Variants in INSL6 observed in about 807,000 individuals in gnomAD.
The protein encoded by INSL6 is insulin like 6.
In INSL6, 16 loss-of-function variants were observed where a neutral mutation model predicts 9.4. The observed-to-expected ratio is 1.70, with a 90% CI of 1.15 to 2.59. INSL6 has a LOEUF of 2.59. INSL6 is among the 30% of genes most tolerant of loss of function. The pLI, the probability that INSL6 is intolerant of heterozygous loss-of-function variation, is 0.00. For synonymous variants in INSL6, 154 were observed against 96.9 expected, an observed-to-expected ratio of 1.59 and a Z score of -3.46; for missense variants, 391 against 257.3, an observed-to-expected ratio of 1.52 and a Z score of -3.56.
chr9:5,101,593 T>C, the INSL6 span, among the ~76,000 whole-genome samples: 1 of 152,322 alleles, frequency 6.6e-6, no homozygotes, highest in South Asian at 2.1e-4. Flanking sequence ...CCCTGATGCT[T>C]CTGTAGCCTA....
intron 2 of INSL6, among the ~76,000 whole-genome samples, chr9:5,157,143 C>T (rs960191417): frequency 6.6e-6 from 1 of 152,044 alleles, no homozygotes; most frequent in Non-Finnish European, 1.5e-5. Context: ...ATATATAATA[C>T]CATGTTCATG....
chr9:5,035,677 A>G, the INSL6 span, among the ~76,000 whole-genome samples: 20 of 152,378 alleles, frequency 1.3e-4, no homozygotes, highest in African/African-American at 4.1e-4. Context: ...GCAAAATTCA[A>G]CAACCCTTCA....
At chr9:4,992,953 A>T in the INSL6 span, among the ~76,000 whole-genome samples, 1 of 151,976 alleles carries the variant, frequency 6.6e-6, no homozygotes, top group Non-Finnish European at 1.5e-5. Flanking sequence ...TGAATTATTT[A>T]TCTCCCCCAC....
the INSL6 span, among the ~76,000 whole-genome samples, chr9:5,057,585 T>A: frequency 1.6e-5 from 2 of 126,814 alleles, no homozygotes; most frequent in African/African-American, 8.8e-5. Context: ...ACTTTCTTTT[T>A]TTTTTTTTTT....
At chr9:5,056,015 T>C in the INSL6 span, among the ~76,000 whole-genome samples, 1 of 152,076 alleles carries the variant, frequency 6.6e-6, no homozygotes, top group East Asian at 1.9e-4. Flanking sequence ...CTTTTTTTAC[T>C]CATTTTTATG....
At chr9:5,176,207 T>C (rs1825305496) in intron 1 of INSL6, among the ~76,000 whole-genome samples, 1 of 152,206 alleles carries the variant, frequency 6.6e-6, no homozygotes, top group East Asian at 1.9e-4. Flanking sequence ...ATAAATGCCC[T>C]TTCTCCACAT....
At chr9:5,176,052 C>G (rs1825297031) in intron 1 of INSL6, among the ~76,000 whole-genome samples, 1 of 152,076 alleles carries the variant, frequency 6.6e-6, no homozygotes, top group Admixed American at 6.5e-5. Flanking sequence ...GCCTAAAATA[C>G]CCTATTTTAT....
the INSL6 span, chr9:5,080,211 G>C: frequency 6.3e-7 from 1 of 1,591,194 alleles, no homozygotes; most frequent in African/African-American, 1.3e-5. Context: ...ACCCTACTCT[G>C]TTCGTATCAT....
the INSL6 span, among the ~76,000 whole-genome samples, chr9:5,056,174 T>G: frequency 2.0e-5 from 3 of 152,230 alleles, no homozygotes; most frequent in African/African-American, 7.2e-5. Context: ...AAAAAATAAA[T>G]CAATGATGTC....
At chr9:5,099,541 C>T in the INSL6 span, 1 of 152,098 alleles carries the variant, frequency 6.6e-6, no homozygotes, top group Non-Finnish European at 1.5e-5. Context: ...CACAAAAACA[C>T]AAGGCTTCCT....
intron 3 of INSL6, chr9:5,127,222 G>A (rs1223928108): frequency 1.7e-5 from 4 of 232,902 alleles, no homozygotes; most frequent in Admixed American, 1.1e-4. Context: ...CACACATGAG[G>A]GCTGGTGTTC....
chr9:5,134,188 G>A lies in INSL6; in HGVS notation c.377-596C>T, dbSNP rs1295549005. ...CTAACAAAGCCTCCAAGAAATATGG[G>A]ACTATGTGAAAAGACCAAATCTACG... On this transcript the variant is annotated intron_variant, in intron 2 of 3. Coordinates refer to the INSL6 transcript ENST00000649639. Among the ~76,000 whole-genome samples the A allele has an allele frequency of 2.6e-5, 4 of 152,250 alleles. No individual in the cohort carries two copies. The East Asian group carries it at 7.7e-4, about 29-fold the overall frequency.
the INSL6 span, among the ~76,000 whole-genome samples, chr9:5,113,057 C>T: frequency 1.4e-4 from 22 of 152,076 alleles, no homozygotes; most frequent in Admixed American, 5.2e-4. Flanking sequence ...GGTCCAGGAG[C>T]TCCCTGGGAC....
the INSL6 span, chr9:5,111,700 G>A: frequency 9.0e-5 from 39 of 431,412 alleles, no homozygotes; most frequent in South Asian, 4.6e-4. Context: ...GCAGCAGCAC[G>A]TTTGGCGGCC....
chr9:5,020,354 G>C, the INSL6 span, among the ~76,000 whole-genome samples: 1 of 152,200 alleles, frequency 6.6e-6, no homozygotes, highest in Non-Finnish European at 1.5e-5. Context: ...AACATGCTTG[G>C]ATACGTGGGA....
intron 2 of INSL6, among the ~76,000 whole-genome samples, chr9:5,136,988 G>A (rs967316143): frequency 6.6e-6 from 1 of 152,108 alleles, no homozygotes; most frequent in Non-Finnish European, 1.5e-5. Flanking sequence ...CAGACAAACA[G>A]CCAAATCATG....
At chr9:5,156,856 C>G (rs553485771) in intron 2 of INSL6, among the ~76,000 whole-genome samples, 1 of 151,852 alleles carries the variant, frequency 6.6e-6, no homozygotes, top group African/African-American at 2.4e-5. Flanking sequence ...ATACTAGCAA[C>G]AATGAAAACA....
At chr9:5,052,417 C>T in the INSL6 span, among the ~76,000 whole-genome samples, 3 of 151,694 alleles carry the variant, frequency 2.0e-5, no homozygotes, top group African/African-American at 2.4e-5. Context: ...TTTTTTTTTA[C>T]TGCTTTACTT....
At chr9:5,069,594 C>G in the INSL6 span, among the ~76,000 whole-genome samples, 1 of 151,954 alleles carries the variant, frequency 6.6e-6, no homozygotes, top group African/African-American at 2.4e-5. Context: ...ATGAGCCTTA[C>G]TATTAAAAAT....
Sources: gnomAD v4.1 joint callset for allele counts (sites outside exome capture counted in the v4.1 genomes callset) on GRCh38, gnomAD v4.1.1 for gene constraint, MANE v1.5 for transcripts, NCBI Gene and HGNC (gene_info 2026-07-23, HGNC 2026-07-21) for gene names.